Variants in RNF13 observed in about 807,000 individuals in gnomAD.
RNF13 encodes the protein E3 ubiquitin-protein ligase RNF13.
In RNF13, 19 loss-of-function variants were observed where a neutral mutation model predicts 37.7. The ratio of observed to expected loss-of-function variants is 0.50; its 90% CI spans 0.35 to 0.74. The LOEUF is 0.74. Ranked by LOEUF, RNF13 falls within the 30% of genes least tolerant of loss-of-function variation. RNF13 has a pLI of 0.01. For synonymous variants in RNF13, 144 were observed against 157.8 expected (o/e 0.91, Z 0.65); for missense variants, 375 against 453.0 (o/e 0.83, Z 1.56).
intron 8 of RNF13, among the ~76,000 whole-genome samples, chr3:149,945,867 GA>G (rs1720726419): frequency 6.6e-6 from 1 of 152,202 alleles, no homozygotes; most frequent in Non-Finnish European, 1.5e-5. Context: ...CTGACTGTTA[GA>G]AGGAAAATTA....
rs796954637 is a variant in RNF13 at position 149,949,728 on chromosome 3, C to CT, written c.701-10315dup. Among the ~76,000 whole-genome samples, 635 of 142,882 alleles carry CT rather than the reference C, an allele frequency of 4.4e-3. 5 individuals are homozygous for CT. The highest frequency in any genetic ancestry group is 0.018 in the Middle Eastern group (5 of 272). 93.7% of individuals were successfully genotyped at this position (142,882 alleles called of 152,430 possible). A position where few individuals can be genotyped will look rare whatever the true frequency, so the allele number is the denominator to read the frequency against. On this transcript the variant is annotated intron_variant, in intron 8 of 9. Transcript: ENST00000392894. The stretch of plus-strand genomic sequence containing the variant: ...CAGATTCTCTTCATTTTCCTTCATT[C>CT]TTTTTTTTTTTTTCTTCTCTTCATT...
At chr3:149,859,653 T>G (rs1724018278) in intron 3 of RNF13, among the ~76,000 whole-genome samples, 1 of 152,170 alleles carries the variant, frequency 6.6e-6, no homozygotes, top group South Asian at 2.1e-4. Context: ...TCAATATAGC[T>G]AATTTTTTAT....
chr3:149,882,705 T>C (rs962707786), intron 4 of RNF13, among the ~76,000 whole-genome samples: 3 of 152,222 alleles, frequency 2.0e-5, no homozygotes, highest in Non-Finnish European at 4.4e-5. Context: ...GATTTTGTTT[T>C]TATTTTCAAT....
At chr3:149,920,773 A>G (rs1718035036) in intron 7 of RNF13, among the ~76,000 whole-genome samples, 1 of 146,414 alleles carries the variant, frequency 6.8e-6, no homozygotes, top group Non-Finnish European at 1.5e-5. Context: ...ATATATAGGA[A>G]TATCAACCTT....
At chr3:149,846,395 C>T (rs1308188057) in intron 2 of RNF13, among the ~76,000 whole-genome samples, 9 of 152,206 alleles carry the variant, frequency 5.9e-5, no homozygotes, top group South Asian at 2.1e-4. Context: ...CTCCACCTCC[C>T]GGGTTCAAGC....
chr3:149,886,645 G>A (rs1440346621), intron 4 of RNF13, among the ~76,000 whole-genome samples: 1 of 152,116 alleles, frequency 6.6e-6, no homozygotes, highest in East Asian at 1.9e-4. Flanking sequence ...ATACTAAATA[G>A]AAGGGCCAAG....
chr3:149,960,371 C>T (rs908492719), intron 9 of RNF13, among the ~76,000 whole-genome samples: 25 of 152,074 alleles, frequency 1.6e-4, no homozygotes, highest in Non-Finnish European at 2.6e-4. Context: ...GCAGGCAGAT[C>T]ATGAGGTCAG....
In RNF13 at chr3:149,921,146, G is replaced by C; in HGVS notation, c.619G>C (p.Val207Leu). The C allele has an allele frequency of 7.3e-7, 1 of 1,368,048 alleles. No individual in the cohort carries two copies. Among genetic ancestry groups the C allele is most frequent in the Non-Finnish European group, 9.6e-7 (1 of 1,038,142 alleles). The allele number at this position is 1,368,048 out of a possible 1,614,324, so 84.7% of individuals were successfully genotyped here. ...CTTTTATTTTTAGATCACAAAATTT[G>C]TCCAGGATAGACATAGAGCTAGAAG... is the stretch of plus-strand genomic sequence containing the variant. ...LIVIFMITKF[V>L]QDRHRARRNR... The change falls in exon 8 of 10, where the codon GTC becomes CTC. Residue 207 changes from valine (V) to leucine (L), a missense_variant. Val to Leu is a conservative substitution (Grantham distance 32, BLOSUM62 1). Transcript: ENST00000392894.
chr3:149,940,153 C>T (rs1720109612), intron 8 of RNF13, among the ~76,000 whole-genome samples: 1 of 151,800 alleles, frequency 6.6e-6, no homozygotes, highest in South Asian at 2.1e-4. Context: ...TTCCACTTTC[C>T]TTTCTTAGCA....
intron 7 of RNF13, among the ~76,000 whole-genome samples, chr3:149,920,461 G>A (rs1253508389): frequency 5.3e-5 from 8 of 151,966 alleles, no homozygotes; most frequent in Non-Finnish European, 1.0e-4. Flanking sequence ...TTGATTTCCT[G>A]GCCTCAAACA....
At chr3:149,904,357 A>T (rs1343561689) in intron 6 of RNF13, among the ~76,000 whole-genome samples, 1 of 151,958 alleles carries the variant, frequency 6.6e-6, no homozygotes, top group Non-Finnish European at 1.5e-5. Flanking sequence ...GTCATAATAG[A>T]TAAGATAAAG....
At chr3:149,889,518 T>G (rs1714455194) in intron 4 of RNF13, among the ~76,000 whole-genome samples, 2 of 149,376 alleles carry the variant, frequency 1.3e-5, no homozygotes, top group Admixed American at 6.7e-5. Flanking sequence ...TTGGCCAGGA[T>G]GGTCTTTATC....
intron 6 of RNF13, among the ~76,000 whole-genome samples, chr3:149,908,840 A>G (rs796768323): frequency 1.1e-4 from 16 of 152,324 alleles, no homozygotes; most frequent in African/African-American, 3.8e-4. Context: ...TAGACAGGTT[A>G]TTATTATCAA....
intron 3 of RNF13, among the ~76,000 whole-genome samples, chr3:149,868,297 T>A (rs1711575579): frequency 6.6e-6 from 1 of 151,734 alleles, no homozygotes; most frequent in South Asian, 2.1e-4. Context: ...TACCAGTGCG[T>A]TTTAGACCTT....
intron 1 of RNF13, among the ~76,000 whole-genome samples, chr3:149,829,896 T>C (rs541424314): frequency 6.6e-6 from 1 of 152,262 alleles, no homozygotes; most frequent in Admixed American, 6.5e-5. Context: ...TTCTGTGCTG[T>C]TCTCGTGATA....
intron 6 of RNF13, among the ~76,000 whole-genome samples, chr3:149,910,833 T>C (rs1263477455): frequency 6.6e-6 from 1 of 152,184 alleles, no homozygotes; most frequent in Non-Finnish European, 1.5e-5. Context: ...AAACTAAGGG[T>C]ATTTTTAATG....
At chr3:149,926,841 T>A (rs1007729812) in intron 8 of RNF13, among the ~76,000 whole-genome samples, 1 of 152,200 alleles carries the variant, frequency 6.6e-6, no homozygotes, top group East Asian at 1.9e-4. Flanking sequence ...TTACAGTAGG[T>A]TCATGGTAAG....
chr3:149,855,632 A>G (rs1167622380), intron 3 of RNF13, among the ~76,000 whole-genome samples: 1 of 151,504 alleles, frequency 6.6e-6, no homozygotes, highest in Non-Finnish European at 1.5e-5. Context: ...GTATATATAT[A>G]TGTATTTTTT....
Position 149,961,204 on chromosome 3 carries a change from T to C in RNF13, c.*100T>C, listed in dbSNP as rs186497816. 36 of 1,056,714 alleles carry C rather than the reference T, an allele frequency of 3.4e-5. No individual in the cohort carries two copies. The highest frequency in any genetic ancestry group is 4.8e-5 in the Non-Finnish European group (35 of 727,834). The allele number at this position is 1,056,714 out of a possible 1,614,324, so 65.5% of individuals were successfully genotyped here. ...CAAAGATTTCTGTAGAAATAACTTATTTTTTAGTATTCTACAGTTTAATCA... is the reference window on the plus strand; with the variant it reads ...CAAAGATTTCTGTAGAAATAACTTACTTTTTAGTATTCTACAGTTTAATCA... On this transcript the variant is annotated 3_prime_UTR_variant, in exon 10 of 10. Coordinates refer to ENST00000392894, the MANE Select transcript of RNF13 (RefSeq NM_183381.3).
Sources: gnomAD v4.1 joint callset for allele counts (sites outside exome capture counted in the v4.1 genomes callset) on GRCh38, gnomAD v4.1.1 for gene constraint, MANE v1.5 for transcripts, NCBI Gene and HGNC (gene_info 2026-07-23, HGNC 2026-07-21) for gene names.